The following HECW1 variants were observed in gnomAD, a reference collection of about 807,000 sequenced individuals.
The protein encoded by HECW1 is E3 ubiquitin-protein ligase HECW1.
Under a neutral mutation model 182.3 loss-of-function variants are expected in HECW1, and 61 were observed. That is an observed-to-expected ratio of 0.33 (90% confidence interval 0.27 to 0.41). The LOEUF (loss-of-function observed/expected upper bound fraction) is 0.41, where lower values mean the gene tolerates loss of function less well. HECW1 is among the 10% of genes least tolerant of loss of function. The pLI is 1.00. For synonymous variants in HECW1, 859 were observed against 832.6 expected, an observed-to-expected ratio of 1.03 and a Z score of -0.55; for missense variants, 1,739 against 2,108.9, an observed-to-expected ratio of 0.82 and a Z score of 3.44.
At chr7:43,197,382 G>C (rs941590975) in intron 2 of HECW1, among the ~76,000 whole-genome samples, 1 of 152,056 alleles carries the variant, frequency 6.6e-6, no homozygotes, top group African/African-American at 2.4e-5. Context: ...TCAGAGAAAG[G>C]CTCCGCTGCC....
chr7:43,235,765 C>A (rs551839782), intron 2 of HECW1, among the ~76,000 whole-genome samples: 1 of 152,174 alleles, frequency 6.6e-6, no homozygotes, highest in Admixed American at 6.5e-5. Context: ...GGTGGGGAGT[C>A]CTGAGTGTGG....
chr7:43,228,021 T>C (rs2152707126), intron 2 of HECW1, among the ~76,000 whole-genome samples: 1 of 152,370 alleles, frequency 6.6e-6, no homozygotes, highest in South Asian at 2.1e-4. Flanking sequence ...TGTTTACCTC[T>C]ATCTGGCTGG....
At chr7:43,376,409 C>A (rs116297481) in intron 6 of HECW1, among the ~76,000 whole-genome samples, 3 of 152,110 alleles carry the variant, frequency 2.0e-5, no homozygotes, top group Non-Finnish European at 4.4e-5. Flanking sequence ...AGCCAGCCAG[C>A]GTCTGGGCTA....
At chr7:43,214,066 A>G (rs1204578261) in intron 2 of HECW1, among the ~76,000 whole-genome samples, 1 of 151,916 alleles carries the variant, frequency 6.6e-6, no homozygotes, top group African/African-American at 2.4e-5. Context: ...AATCTTCTAT[A>G]TTACTGGTAT....
intron 2 of HECW1, among the ~76,000 whole-genome samples, chr7:43,149,761 T>A (rs901657803): frequency 9.9e-5 from 15 of 152,186 alleles, no homozygotes; most frequent in Admixed American, 6.5e-5. Flanking sequence ...TCTTCAAAAT[T>A]TTTTTCAGAC....
chr7:43,295,215 A>T (rs1338437863), intron 3 of HECW1, among the ~76,000 whole-genome samples: 1 of 152,178 alleles, frequency 6.6e-6, no homozygotes, highest in African/African-American at 2.4e-5. Context: ...TTATTTGTCC[A>T]CAAGGAATTT....
chr7:43,512,312 C>T (rs139902958), intron 24 of HECW1, among the ~76,000 whole-genome samples: 22 of 152,314 alleles, frequency 1.4e-4, no homozygotes, highest in Non-Finnish European at 1.3e-4. Flanking sequence ...TGGACACCCA[C>T]GCCCTGCCCA....
intron 3 of HECW1, among the ~76,000 whole-genome samples, chr7:43,272,687 G>A (rs977079275): frequency 6.6e-6 from 1 of 152,202 alleles, no homozygotes; most frequent in African/African-American, 2.4e-5. Flanking sequence ...TGGCATGGCT[G>A]TGGAGAAAAG....
chr7:43,126,873 C>T (rs1043069221), intron 2 of HECW1, among the ~76,000 whole-genome samples: 1 of 152,160 alleles, frequency 6.6e-6, no homozygotes, highest in African/African-American at 2.4e-5. Flanking sequence ...TATAACATGG[C>T]GAACTCAATC....
chr7:43,253,126 A>C (rs1584191786), intron 3 of HECW1, among the ~76,000 whole-genome samples: 1 of 140,268 alleles, frequency 7.1e-6, no homozygotes, highest in Non-Finnish European at 1.5e-5. Flanking sequence ...AAACATCCGC[A>C]CTTTAAAAAA....
At chr7:43,359,943 G>C (rs2159721) in intron 5 of HECW1, among the ~76,000 whole-genome samples, 33,968 of 152,114 alleles carry the variant, frequency 0.22, 4,236 homozygotes, top group Middle Eastern at 0.34. Flanking sequence ...GTTGGCTACA[G>C]ATCTTGTCCT....
At chr7:43,343,183 T>C (rs954230043) in intron 5 of HECW1, among the ~76,000 whole-genome samples, 2 of 151,788 alleles carry the variant, frequency 1.3e-5, no homozygotes, top group African/African-American at 4.9e-5. Context: ...TTGCAGATAT[T>C]GTAACACCTG....
At chr7:43,437,028 G>C (rs2076734267) in intron 8 of HECW1, among the ~76,000 whole-genome samples, 2 of 152,038 alleles carry the variant, frequency 1.3e-5, no homozygotes, top group Non-Finnish European at 2.9e-5. Context: ...ACCATAACCG[G>C]CTAACAAATG....
chr7:43,479,736 G>A lies in HECW1; in HGVS notation c.3226G>A (p.Ala1076Thr), dbSNP rs781720585. The A allele has an allele frequency of 5.0e-6, 8 of 1,613,904 alleles. No homozygotes were observed. Among genetic ancestry groups the A allele is most frequent in the Middle Eastern group, 1.7e-4 (1 of 6,060 alleles). The change falls in exon 17 of 30, where the codon GCT becomes ACT. Residue 1076 changes from alanine (A) to threonine (T), a missense_variant. By Grantham distance (58) the Ala-to-Thr change is moderately conservative. Around this residue, in one of 5 missense-constraint regions of HECW1, gnomAD observed 971 missense variants for 1,029.1 expected, o/e 0.94. Transcript: ENST00000395891. ...QHLQRLRSYSAGEASEVSRNR... is the reference protein window; with the variant it reads ...QHLQRLRSYSTGEASEVSRNR... ...CCTCCAGAGGCTCCGAAGTTACAGCGCTGGAGAGGTAACCCTCCCTACACC... is the reference window on the plus strand; with the variant it reads ...CCTCCAGAGGCTCCGAAGTTACAGCACTGGAGAGGTAACCCTCCCTACACC...
chr7:43,482,364 G>A (rs1367748182), intron 17 of HECW1, among the ~76,000 whole-genome samples: 1 of 152,210 alleles, frequency 6.6e-6, no homozygotes, highest in Non-Finnish European at 1.5e-5. Flanking sequence ...AATGTTGACT[G>A]CATTTGCTGT....
At chr7:43,173,012 ACAC>A (rs1791843573) in intron 2 of HECW1, among the ~76,000 whole-genome samples, 1 of 152,202 alleles carries the variant, frequency 6.6e-6, no homozygotes, top group African/African-American at 2.4e-5. Flanking sequence ...CAGTGGTTTC[ACAC>A]CACATTGACA....
intron 8 of HECW1, among the ~76,000 whole-genome samples, chr7:43,422,168 A>G (rs1171549779): frequency 6.6e-6 from 1 of 152,114 alleles, no homozygotes; most frequent in Non-Finnish European, 1.5e-5. Flanking sequence ...GTAATGGCCA[A>G]AATTGCAATT....
intron 2 of HECW1, among the ~76,000 whole-genome samples, chr7:43,134,866 G>A (rs1484214756): frequency 2.6e-5 from 4 of 152,112 alleles, no homozygotes; most frequent in African/African-American, 9.7e-5. Context: ...TAAATTCTTT[G>A]TAGATAATCT....
In HECW1 at chr7:43,562,185, G is replaced by C; in HGVS notation, c.*259G>C. Reference sequence around the variant, plus strand: ...TTAAAAAACAGCTGTCTCAAGGTCTGTGTATATCTCCACATACCTCCATTA... The same window carrying C: ...TTAAAAAACAGCTGTCTCAAGGTCTCTGTATATCTCCACATACCTCCATTA... On this transcript the variant is annotated 3_prime_UTR_variant, in exon 30 of 30. Transcript: ENST00000395891. 1 of 399,928 alleles carries C rather than the reference G, an allele frequency of 2.5e-6. No homozygotes were observed. The allele number at this position is 399,928 out of a possible 1,614,324, so 24.8% of individuals were successfully genotyped here. A position where few individuals can be genotyped will look rare whatever the true frequency, so the allele number is the denominator to read the frequency against.
Sources: allele counts gnomAD v4.1 joint callset (sites outside exome capture counted in the v4.1 genomes callset), GRCh38; gene constraint gnomAD v4.1.1; regional missense constraint gnomAD v4.1.1; transcripts MANE v1.5; gene names NCBI Gene and HGNC (gene_info 2026-07-23, HGNC 2026-07-21).